CSGALNACT1: variants seen among roughly 807,000 people sequenced by gnomAD.
CSGALNACT1 encodes the protein beta4GalNAcT-1.
A neutral mutation model predicts 51.0 loss-of-function variants in CSGALNACT1; 52 were observed. That is an observed-to-expected ratio of 1.02 (90% CI 0.82 to 1.29). CSGALNACT1 has a LOEUF of 1.29. CSGALNACT1 is among the 50% of genes most tolerant of loss of function. CSGALNACT1 has a pLI of 0.00. For missense variants in CSGALNACT1, 935 were observed against 679.2 expected (o/e 1.38, Z -4.19); for synonymous variants, 341 against 254.4 (o/e 1.34, Z -3.24).
rs533151338 is a variant in CSGALNACT1, at chr8:19,622,981, A to C, written c.-543-21116T>G. Reference sequence around the variant, plus strand: ...CTGCTTAGATGACGGGTTGATAGGTACTGCAAACCACCCTGGCACATGTAT... The same window carrying C: ...CTGCTTAGATGACGGGTTGATAGGTCCTGCAAACCACCCTGGCACATGTAT... On this transcript the variant is annotated intron_variant, in intron 1 of 9. Transcript: ENST00000332246. 1.4e-3 allele frequency among the ~76,000 whole-genome samples: 217 copies of C among 152,336 alleles called. 3 individuals carry two copies. The highest frequency in any genetic ancestry group is 5.1e-3 in the Admixed American group (78 of 15,304).
intron 4 of CSGALNACT1, among the ~76,000 whole-genome samples, chr8:19,492,009 AT>A (rs2153965140): frequency 6.6e-6 from 1 of 152,352 alleles, no homozygotes; most frequent in East Asian, 1.9e-4. Flanking sequence ...AATAAGCTCT[AT>A]TTATTGACCA....
intron 1 of CSGALNACT1, among the ~76,000 whole-genome samples, chr8:19,706,320 C>T (rs1219581581): frequency 6.6e-6 from 1 of 152,192 alleles, no homozygotes; most frequent in Admixed American, 6.5e-5. Context: ...CAATCTGTAT[C>T]TGTATTGTCA....
chr8:19,420,418 C>T lies in CSGALNACT1; in HGVS notation c.1054G>A (p.Val352Ile), dbSNP rs999225518. 11 of 1,614,048 alleles carry T rather than the reference C, an allele frequency of 6.8e-6. No individual in the cohort carries two copies. Among genetic ancestry groups the T allele is most frequent in the Admixed American group, 1.7e-5 (1 of 60,000 alleles). The change falls in exon 7 of 10, where the codon GTC becomes ATC. Residue 352 changes from valine (V) to isoleucine (I), a missense_variant. By Grantham distance (29) the Val-to-Ile change is conservative. Coordinates refer to ENST00000454498, the Ensembl canonical transcript of CSGALNACT1. ...TCCACATCACAGAAAAAGAGAAGGA[C>T]GTTGCTTCCCTTCCAGAAGCGGGCT...
intron 4 of CSGALNACT1, among the ~76,000 whole-genome samples, chr8:19,466,027 G>T (rs1006587586): frequency 1.8e-4 from 28 of 152,282 alleles, no homozygotes; most frequent in African/African-American, 6.3e-4. Flanking sequence ...TACCCTTACA[G>T]AATTCCTTTA....
At chr8:19,642,660 C>A (rs180928705) in intron 1 of CSGALNACT1, among the ~76,000 whole-genome samples, 3 of 152,100 alleles carry the variant, frequency 2.0e-5, no homozygotes, top group Non-Finnish European at 2.9e-5. Context: ...CACACACACA[C>A]CTGTAGTCCC....
chr8:19,609,078 A>G (rs1383369444), intron 1 of CSGALNACT1, among the ~76,000 whole-genome samples: 2 of 152,076 alleles, frequency 1.3e-5, no homozygotes, highest in Admixed American at 1.3e-4. Flanking sequence ...ACTAACGTTA[A>G]CAGAATGAAT....
chr8:19,526,170 T>A (rs1330003958), intron 3 of CSGALNACT1, among the ~76,000 whole-genome samples: 18 of 152,142 alleles, frequency 1.2e-4, no homozygotes, highest in Admixed American at 1.2e-3. Context: ...GAAATCCAAC[T>A]GAGTCTAGGG....
intron 4 of CSGALNACT1, among the ~76,000 whole-genome samples, chr8:19,502,329 C>T (rs77011872): frequency 0.05 from 7,682 of 152,246 alleles, 614 homozygotes; most frequent in African/African-American, 0.17. Context: ...CATATATGTT[C>T]AGTCTCTTGT....
At chr8:19,439,519 A>G (rs2060953090) in intron 6 of CSGALNACT1, among the ~76,000 whole-genome samples, 1 of 152,202 alleles carries the variant, frequency 6.6e-6, no homozygotes, top group African/African-American at 2.4e-5. Context: ...CCCCACATCT[A>G]TAGTGCTAAA....
chr8:19,458,469 C>T, exon 5 of CSGALNACT1: 1 of 1,614,140 alleles, frequency 6.2e-7, no homozygotes, highest in Non-Finnish European at 8.5e-7. Context: ...ACCCTTTTTG[C>T]TAGAGGCACG....
intron 3 of CSGALNACT1, among the ~76,000 whole-genome samples, chr8:19,558,689 C>T (rs947531808): frequency 5.9e-5 from 9 of 152,110 alleles, no homozygotes; most frequent in African/African-American, 2.2e-4. Flanking sequence ...TGACTCAACG[C>T]TTAAACTATT....
intron 6 of CSGALNACT1, among the ~76,000 whole-genome samples, chr8:19,430,776 C>T (rs1024213741): frequency 1.3e-5 from 2 of 152,084 alleles, no homozygotes; most frequent in Non-Finnish European, 2.9e-5. Context: ...AACTATAGAT[C>T]GACTGACTGA....
chr8:19,423,102 G>C (rs919725742), intron 6 of CSGALNACT1, among the ~76,000 whole-genome samples: 4 of 152,130 alleles, frequency 2.6e-5, no homozygotes, highest in Non-Finnish European at 4.4e-5. Context: ...AGGGTTTCTA[G>C]GATCTACTAC....
chr8:19,730,446 G>C (rs1285074866), intron 1 of CSGALNACT1, among the ~76,000 whole-genome samples: 1 of 152,188 alleles, frequency 6.6e-6, no homozygotes, highest in Non-Finnish European at 1.5e-5. Context: ...TGTTAAACTG[G>C]TATTATGTCC....
At chr8:19,471,942 A>T (rs573864224) in intron 4 of CSGALNACT1, among the ~76,000 whole-genome samples, 2 of 152,322 alleles carry the variant, frequency 1.3e-5, no homozygotes, top group Non-Finnish European at 2.9e-5. Context: ...AGGCTGCTCA[A>T]AACAACTCCA....
intron 3 of CSGALNACT1, among the ~76,000 whole-genome samples, chr8:19,561,376 A>G (rs898373416): frequency 4.6e-5 from 7 of 152,234 alleles, no homozygotes; most frequent in Admixed American, 3.3e-4. Flanking sequence ...CATAGGTTGG[A>G]TAAGTGCTTC....
intron 1 of CSGALNACT1, among the ~76,000 whole-genome samples, chr8:19,718,145 G>A (rs1490489250): frequency 6.6e-6 from 1 of 152,152 alleles, no homozygotes; most frequent in African/African-American, 2.4e-5. Context: ...CAGGCTGGAA[G>A]GCAGTGGCAC....
chr8:19,727,809 T>C (rs1481164164), intron 1 of CSGALNACT1, among the ~76,000 whole-genome samples: 3 of 152,134 alleles, frequency 2.0e-5, no homozygotes, highest in Non-Finnish European at 4.4e-5. Context: ...GCCTCAGTTG[T>C]CTCCAGTGGA....
intron 3 of CSGALNACT1, among the ~76,000 whole-genome samples, chr8:19,561,903 G>T (rs1043949502): frequency 6.6e-6 from 1 of 152,122 alleles, no homozygotes; most frequent in African/African-American, 2.4e-5. Context: ...AGATGGGTGG[G>T]GAGGGATTGC....
Sources: allele counts gnomAD v4.1 joint callset (sites outside exome capture counted in the v4.1 genomes callset), GRCh38; gene constraint gnomAD v4.1.1; transcripts MANE v1.5; gene names NCBI Gene and HGNC (gene_info 2026-07-23, HGNC 2026-07-21).